The following FOXP2 variants were observed in gnomAD, a reference collection of about 807,000 sequenced individuals.
FOXP2 encodes forkhead box P2.
A neutral mutation model predicts 115.8 loss-of-function variants in FOXP2; 12 were observed. That is an observed-to-expected ratio of 0.10 (90% CI 0.07 to 0.17). FOXP2 has a LOEUF of 0.17. Ranked by LOEUF, FOXP2 falls within the 10% of genes least tolerant of loss-of-function variation. The pLI, the probability that FOXP2 is intolerant of heterozygous loss-of-function variation, is 1.00. For synonymous variants in FOXP2, 328 were observed against 297.7 expected (o/e 1.10, Z -1.05); for missense variants, 629 against 843.5 (o/e 0.75, Z 3.15).
intron 3 of FOXP2, among the ~76,000 whole-genome samples, chr7:114,545,698 A>T (rs1387295873): frequency 6.6e-6 from 1 of 152,174 alleles, no homozygotes; most frequent in South Asian, 2.1e-4. Flanking sequence ...ATGAGCTGCA[A>T]TATCAAACTA....
At chr7:114,198,695 T>C (rs1451082089) in intron 1 of FOXP2, among the ~76,000 whole-genome samples, 1 of 152,178 alleles carries the variant, frequency 6.6e-6, no homozygotes, top group Non-Finnish European at 1.5e-5. Context: ...GTCTGTGGCC[T>C]GGGGCTGCTC....
At chr7:114,333,026 G>A (rs1182143751) in intron 2 of FOXP2, among the ~76,000 whole-genome samples, 1 of 152,068 alleles carries the variant, frequency 6.6e-6, no homozygotes, top group Non-Finnish European at 1.5e-5. Context: ...GATACTGCAG[G>A]TTCCTTTCTA....
At chr7:114,157,956 G>A (rs1274643824) in intron 1 of FOXP2, among the ~76,000 whole-genome samples, 1 of 151,816 alleles carries the variant, frequency 6.6e-6, no homozygotes, top group East Asian at 1.9e-4. Flanking sequence ...AGTATTCTTT[G>A]GTATATATTT....
chr7:114,302,222 G>T (rs1220485327), intron 2 of FOXP2, among the ~76,000 whole-genome samples: 6 of 152,008 alleles, frequency 3.9e-5, no homozygotes, highest in Admixed American at 3.9e-4. Context: ...ACAGTGGTTG[G>T]TAGAGCATGC....
At position 114,219,120 on chromosome 7, in the gene FOXP2, G is replaced by T. The variant is rs111552497; in HGVS notation, c.-102+56032G>T. Among the ~76,000 whole-genome samples the T allele has an allele frequency of 4.6e-4, 70 of 152,000 alleles. 2 individuals carry two copies. The highest frequency in any genetic ancestry group is 1.6e-3 in the African/African-American group (67 of 41,492). On this transcript the variant is annotated intron_variant, in intron 1 of 17. Coordinates refer to the FOXP2 transcript ENST00000634411. ...TTTAGTTTAAAAGCTACTAGTTTTC[G>T]AAAAAGATTAATTATACTAACTTTC...
chr7:114,390,841 GC>G (rs1453480245), intron 2 of FOXP2, among the ~76,000 whole-genome samples: 1 of 151,980 alleles, frequency 6.6e-6, no homozygotes, highest in Non-Finnish European at 1.5e-5. Flanking sequence ...ACAGATGTGG[GC>G]CACCTTACCC....
chr7:114,510,410 T>C (rs1213609086), intron 2 of FOXP2, among the ~76,000 whole-genome samples: 1 of 152,102 alleles, frequency 6.6e-6, no homozygotes, highest in African/African-American at 2.4e-5. Context: ...AGGAAATGGG[T>C]TGGAAAAGGA....
chr7:114,446,504 A>G (rs1445447326), intron 2 of FOXP2, among the ~76,000 whole-genome samples: 1 of 152,002 alleles, frequency 6.6e-6, no homozygotes, highest in African/African-American at 2.4e-5. Flanking sequence ...CACAATGGGT[A>G]ATGTAAACAG....
chr7:114,234,979 C>G lies in FOXP2; in HGVS notation c.-101-53040C>G, dbSNP rs560602974. ...GAGGTTAGGTTTAGCCCCACTAGTCCCTTTTATTTTAGACTGATCACAGTT... is the reference window on the plus strand; with the variant it reads ...GAGGTTAGGTTTAGCCCCACTAGTCGCTTTTATTTTAGACTGATCACAGTT... On this transcript the variant is annotated intron_variant, in intron 1 of 17. Transcript: ENST00000634411. Among the ~76,000 whole-genome samples, 29 of 152,210 alleles carry G rather than the reference C, an allele frequency of 1.9e-4. No individual in the cohort carries two copies. The South Asian group carries it at 6.0e-3, about 32-fold the overall frequency.
At chr7:114,551,786 T>C (rs1584885700) in intron 3 of FOXP2, among the ~76,000 whole-genome samples, 2 of 152,198 alleles carry the variant, frequency 1.3e-5, no homozygotes, top group African/African-American at 4.8e-5. Context: ...TTTATTTTTC[T>C]TCATTACTGA....
upstream of FOXP2, among the ~76,000 whole-genome samples, chr7:114,412,647 C>T (rs1397362778): frequency 6.6e-6 from 1 of 152,158 alleles, no homozygotes; most frequent in African/African-American, 2.4e-5. Flanking sequence ...CCAAACTTGA[C>T]GTACCCCGAT....
intron 2 of FOXP2, among the ~76,000 whole-genome samples, chr7:114,467,510 C>T (rs1741494571): frequency 6.6e-6 from 1 of 152,118 alleles, no homozygotes; most frequent in South Asian, 2.1e-4. Context: ...CAAAGTCCAA[C>T]TGTGATTTAC....
At chr7:114,453,496 T>C (rs1211811223) in intron 2 of FOXP2, among the ~76,000 whole-genome samples, 1 of 152,064 alleles carries the variant, frequency 6.6e-6, no homozygotes, top group Non-Finnish European at 1.5e-5. Flanking sequence ...ATAAAACAGT[T>C]TATTTGTATA....
At chr7:114,313,175 T>TATTTTTA (rs1336513818) in intron 2 of FOXP2, among the ~76,000 whole-genome samples, 5 of 152,170 alleles carry the variant, frequency 3.3e-5, no homozygotes, top group African/African-American at 1.2e-4. Context: ...TGGGGTTACA[T>TATTTTTA]TCTGTGTCTG....
intron 2 of FOXP2, among the ~76,000 whole-genome samples, chr7:114,522,924 A>G (rs1798690236): frequency 6.6e-6 from 1 of 152,034 alleles, no homozygotes; most frequent in Non-Finnish European, 1.5e-5. Context: ...AGGCATATAT[A>G]TGCTTCATAC....
At chr7:114,546,583 G>A (rs998332359) in intron 3 of FOXP2, among the ~76,000 whole-genome samples, 1 of 151,914 alleles carries the variant, frequency 6.6e-6, no homozygotes, top group Non-Finnish European at 1.5e-5. Context: ...CATCTGTTTA[G>A]AAGGTCATTC....
intron 2 of FOXP2, among the ~76,000 whole-genome samples, chr7:114,523,974 A>G (rs1470758707): frequency 2.0e-5 from 3 of 152,192 alleles, no homozygotes. Context: ...TGAAATGCTT[A>G]CTTTTTCTAA....
chr7:114,458,991 C>G (rs1160584156), intron 2 of FOXP2, among the ~76,000 whole-genome samples: 1 of 152,080 alleles, frequency 6.6e-6, no homozygotes, highest in Non-Finnish European at 1.5e-5. Context: ...TGGGGCTGGG[C>G]TTGACCTTCC....
chr7:114,288,465 G>T (rs1796516050), intron 2 of FOXP2, among the ~76,000 whole-genome samples: 1 of 151,604 alleles, frequency 6.6e-6, no homozygotes, highest in Non-Finnish European at 1.5e-5. Flanking sequence ...TTATTATGCT[G>T]GTCTTTTCAG....
Sources: gnomAD v4.1 joint callset for allele counts (sites outside exome capture counted in the v4.1 genomes callset) on GRCh38, gnomAD v4.1.1 for gene constraint, MANE v1.5 for transcripts, NCBI Gene and HGNC (gene_info 2026-07-23, HGNC 2026-07-21) for gene names.